The following NRXN1 variants were observed in gnomAD, a reference collection of about 807,000 sequenced individuals.
NRXN1 encodes the protein neurexin-1.
In NRXN1, 39 loss-of-function variants were observed where a neutral mutation model predicts 150.9. The ratio of observed to expected loss-of-function variants is 0.26; its 90% confidence interval spans 0.20 to 0.34. NRXN1 has a LOEUF of 0.34. Ranked by LOEUF, NRXN1 falls within the 10% of genes least tolerant of loss-of-function variation. The probability of loss-of-function intolerance (pLI) is 1.00; values close to 1 mark genes in which losing one functional copy is unlikely to be tolerated. For missense variants in NRXN1, 1,815 were observed against 1,949.9 expected (o/e 0.93, Z 1.30); for synonymous variants, 924 against 757.0 (o/e 1.22, Z -3.62).
intron 18 of NRXN1, among the ~76,000 whole-genome samples, chr2:50,142,759 T>C (rs73932950): frequency 1.3e-5 from 2 of 151,786 alleles, no homozygotes; most frequent in African/African-American, 4.8e-5. Context: ...TTTAGAAATA[T>C]TAAAAACTGG....
intron 17 of NRXN1, among the ~76,000 whole-genome samples, chr2:50,279,335 A>G (rs2071095221): frequency 6.6e-6 from 1 of 152,196 alleles, no homozygotes. Context: ...AAAAGTTACA[A>G]AATGCATCAC....
intron 10 of NRXN1, among the ~76,000 whole-genome samples, chr2:50,533,773 T>G (rs2093180087): frequency 6.6e-6 from 1 of 152,176 alleles, no homozygotes. Context: ...CTCACTGAAG[T>G]GTTTGCACTT....
intron 5 of NRXN1, among the ~76,000 whole-genome samples, chr2:50,724,781 T>C (rs188027114): frequency 5.1e-4 from 77 of 152,280 alleles, no homozygotes; most frequent in African/African-American, 1.8e-3. Context: ...TGATGAGGTA[T>C]TACTCATCCA....
intron 9 of NRXN1, 86 bp from the exon 10 acceptor site, chr2:50,538,722 T>C: frequency 8.7e-7 from 1 of 1,143,922 alleles, no homozygotes; most frequent in Non-Finnish European, 1.2e-6. Flanking sequence ...TGCTTGATGG[T>C]TAACTCCTTG....
chr2:50,562,374 C>T (rs1007542607), intron 8 of NRXN1, among the ~76,000 whole-genome samples: 1 of 138,192 alleles, frequency 7.2e-6, no homozygotes, highest in Admixed American at 7.2e-5. Context: ...TGATTTCCTA[C>T]AGTCTGTCCT....
chr2:51,021,714 T>A (rs1380886865), intron 2 of NRXN1, among the ~76,000 whole-genome samples: 1 of 152,044 alleles, frequency 6.6e-6, no homozygotes, highest in South Asian at 2.1e-4. Context: ...AGACAAGTTA[T>A]AAATTCAATA....
chr2:50,491,455 A>C (rs542181149), intron 15 of NRXN1, among the ~76,000 whole-genome samples: 30 of 152,322 alleles, frequency 2.0e-4, no homozygotes, highest in African/African-American at 7.0e-4. Context: ...TCGTAGCAGG[A>C]TGAACAATAG....
chr2:50,964,696 T>C (rs1371120643), intron 2 of NRXN1, among the ~76,000 whole-genome samples: 1 of 151,530 alleles, frequency 6.6e-6, no homozygotes, highest in Non-Finnish European at 1.5e-5. Context: ...CTATAGAGAT[T>C]ATCATGTGGC....
chr2:50,497,307 T>G, intron 14 of NRXN1, 26 bp downstream of exon 14: 3 of 1,429,284 alleles, frequency 2.1e-6, no homozygotes, highest in Non-Finnish European at 2.7e-6. Flanking sequence ...TTTTATTTAT[T>G]TGCTATTGAA....
chr2:50,737,943 A>C (rs1363285574), intron 5 of NRXN1, among the ~76,000 whole-genome samples: 1 of 152,150 alleles, frequency 6.6e-6, no homozygotes, highest in African/African-American at 2.4e-5. Flanking sequence ...GAAAACACTA[A>C]GGAATATCAA....
At chr2:50,087,427 G>T (rs1698947664) in intron 19 of NRXN1, among the ~76,000 whole-genome samples, 1 of 152,086 alleles carries the variant, frequency 6.6e-6, no homozygotes, top group Non-Finnish European at 1.5e-5. Context: ...AGATAACTGT[G>T]ATTTATCTGA....
At chr2:50,847,592 G>A (rs1673853573) in intron 5 of NRXN1, among the ~76,000 whole-genome samples, 1 of 152,122 alleles carries the variant, frequency 6.6e-6, no homozygotes, top group African/African-American at 2.4e-5. Flanking sequence ...GACTACCCTG[G>A]CCCATCCTGG....
At chr2:49,944,938 T>A (rs1394736589) in intron 21 of NRXN1, among the ~76,000 whole-genome samples, 1 of 152,172 alleles carries the variant, frequency 6.6e-6, no homozygotes, top group Non-Finnish European at 1.5e-5. Context: ...TGTCACAGAT[T>A]AAAGTATAAC....
intron 3 of NRXN1, among the ~76,000 whole-genome samples, chr2:50,925,324 T>A (rs1263750472): frequency 6.6e-6 from 1 of 151,908 alleles, no homozygotes; most frequent in Non-Finnish European, 1.5e-5. Flanking sequence ...AGATAATTTT[T>A]TATAAAAGAC....
At chr2:50,419,270 A>G (rs936223232) in intron 17 of NRXN1, among the ~76,000 whole-genome samples, 15 of 152,126 alleles carry the variant, frequency 9.9e-5, no homozygotes, top group African/African-American at 3.6e-4. Flanking sequence ...GAAGAATCAT[A>G]TCTTTCAGAA....
chr2:50,900,668 T>C (rs1227262615), intron 5 of NRXN1, among the ~76,000 whole-genome samples: 1 of 152,004 alleles, frequency 6.6e-6, no homozygotes, highest in African/African-American at 2.4e-5. Context: ...AGGAAAATAA[T>C]GTGGAGGAGC....
intron 12 of NRXN1, among the ~76,000 whole-genome samples, chr2:50,513,110 AC>A (rs999397584): frequency 1.5e-4 from 23 of 152,140 alleles, no homozygotes; most frequent in African/African-American, 5.1e-4. Context: ...AATAATGCCT[AC>A]CTTATTTCAT....
rs376125266 is a variant in NRXN1, at chr2:50,122,776, C to T, written c.3547-31282G>A. ...TTCTTGCTATACTTTTTTCCAAATG[C>T]TCCAAATACACAATAAATTATCAAG... On this transcript the variant is annotated intron_variant, in intron 18 of 22. Coordinates refer to ENST00000401669, the MANE Select transcript of NRXN1 (RefSeq NM_001330078.2). Among the ~76,000 whole-genome samples the T allele has an allele frequency of 2.4e-4, 37 of 152,276 alleles. No homozygotes were observed. In the South Asian group the frequency reaches 7.5e-3, roughly 31 times the overall value.
chr2:50,937,271 G>A (rs1466631617), intron 2 of NRXN1, among the ~76,000 whole-genome samples: 1 of 152,078 alleles, frequency 6.6e-6, no homozygotes, highest in East Asian at 1.9e-4. Context: ...CTGCTTAAGA[G>A]CAATGCCTTT....
Sources: gnomAD v4.1 joint callset for allele counts (sites outside exome capture counted in the v4.1 genomes callset) on GRCh38, gnomAD v4.1.1 for gene constraint, MANE v1.5 for transcripts, NCBI Gene and HGNC (gene_info 2026-07-23, HGNC 2026-07-21) for gene names.